C2CD5: variants seen among roughly 807,000 people sequenced by gnomAD.
The protein encoded by C2CD5 is C2 calcium dependent domain containing 5.
C2CD5 carries 109 observed loss-of-function variants against 130.3 expected under a neutral mutation model. That is an observed-to-expected ratio of 0.84 (90% CI 0.72 to 0.98). C2CD5 has a LOEUF of 0.98. C2CD5 is among the 50% of genes least tolerant of loss of function. C2CD5 has a pLI of 0.00. For synonymous variants in C2CD5, 454 were observed against 429.2 expected (o/e 1.06, Z -0.71); for missense variants, 996 against 1,261.8 (o/e 0.79, Z 3.19).
intron 13 of C2CD5, among the ~76,000 whole-genome samples, chr12:22,483,464 A>G (rs1034042283): frequency 1.3e-5 from 2 of 152,178 alleles, no homozygotes; most frequent in African/African-American, 4.8e-5. Context: ...GCCAGAAGAC[A>G]GTGGTGAAAG....
rs1238014558 is a variant in C2CD5, at chr12:22,504,429, G to A, written c.1147+2282C>T. Among the ~76,000 whole-genome samples, 5 of 151,642 alleles carry A rather than the reference G, an allele frequency of 3.3e-5. No homozygotes were observed. In the East Asian group the frequency reaches 5.8e-4, roughly 18 times the overall value. ...CAATTCTCCTGTCTCAGCCTCCCGA[G>A]TAGCTGGGACTACAGGCGCCTGCCA... is the stretch of plus-strand genomic sequence containing the variant. On this transcript the variant is annotated intron_variant, in intron 10 of 26. Transcript: ENST00000446597.
At chr12:22,463,624 G>T (rs1482377377) in intron 22 of C2CD5, 1 of 152,086 alleles carries the variant, frequency 6.6e-6, no homozygotes, top group Admixed American at 6.5e-5. Flanking sequence ...AAATTACACG[G>T]TCTCAAGTGT....
intron 8 of C2CD5, among the ~76,000 whole-genome samples, chr12:22,514,610 G>A (rs1409911299): frequency 6.6e-6 from 1 of 152,056 alleles, no homozygotes; most frequent in Non-Finnish European, 1.5e-5. Context: ...ATTTACTAAT[G>A]TAATCATATG....
intron 9 of C2CD5, chr12:22,512,714 G>T: frequency 7.2e-7 from 1 of 1,398,102 alleles, no homozygotes; most frequent in Non-Finnish European, 9.5e-7. Context: ...AAAAAAAAGA[G>T]AGAGAGAGAA....
intron 3 of C2CD5, among the ~76,000 whole-genome samples, chr12:22,528,281 C>A (rs1289088143): frequency 6.6e-6 from 1 of 152,074 alleles, no homozygotes; most frequent in Non-Finnish European, 1.5e-5. Flanking sequence ...CACAATGACA[C>A]CACAATTTCT....
Position 22,527,051 on chromosome 12 carries a change from C to T in C2CD5, c.349+670G>A, listed in dbSNP as rs557521651. Among the ~76,000 whole-genome samples, 34 of 152,252 alleles carry T rather than the reference C, an allele frequency of 2.2e-4. 1 individual carries two copies. In the South Asian group the frequency reaches 6.8e-3, roughly 31 times the overall value. ...GCCTGCAATGGCATGTGCCTGCAATCGCAACTGCCCGGGAGGCCCTGCTTC... is the reference window on the plus strand; with the variant it reads ...GCCTGCAATGGCATGTGCCTGCAATTGCAACTGCCCGGGAGGCCCTGCTTC... On this transcript the variant is annotated intron_variant, in intron 4 of 26. Coordinates refer to ENST00000446597, the MANE Select transcript of C2CD5 (RefSeq NM_001286176.2).
intron 3 of C2CD5, among the ~76,000 whole-genome samples, chr12:22,534,103 G>A (rs111696636): frequency 2.2e-3 from 335 of 152,196 alleles, no homozygotes; most frequent in Admixed American, 3.4e-3. Flanking sequence ...CAGGAGAATC[G>A]CTTGAACCCA....
chr12:22,525,802 C>G, intron 4 of C2CD5, 97 bp from the exon 5 acceptor site: 1 of 718,590 alleles, frequency 1.4e-6, no homozygotes, highest in Non-Finnish European at 2.4e-6. Context: ...TTTTAAAATA[C>G]AATGATTTAA....
chr12:22,450,013 A>G (rs1358017418), intron 26 of C2CD5, 122 bp from the exon 27 acceptor site: 1 of 705,148 alleles, frequency 1.4e-6, no homozygotes, highest in Non-Finnish European at 2.2e-6. Flanking sequence ...GGATAAAGAT[A>G]GGCAATCCAA....
intron 10 of C2CD5, among the ~76,000 whole-genome samples, chr12:22,505,703 G>C (rs1383537004): frequency 6.6e-6 from 1 of 152,082 alleles, no homozygotes; most frequent in African/African-American, 2.4e-5. Flanking sequence ...ATCACCAGAG[G>C]ATTTCTGATC....
rs754603484 is a variant in C2CD5 at position 22,513,344 on chromosome 12, G to GC, written c.987dup (p.Pro330AlafsTer3). 3 of 1,612,092 alleles carry GC rather than the reference G, an allele frequency of 1.9e-6. No individual in the cohort carries two copies. Among genetic ancestry groups the GC allele is most frequent in the South Asian group, 1.1e-5 (1 of 91,032 alleles). On this transcript the variant is annotated frameshift_variant, in exon 9 of 27. Transcript: ENST00000446597. LOFTEE classifies it high-confidence loss of function. ...TGTTGTCTTAAAAGAGCTTTAAAGG[G>GC]CCCCCCTTCTTTTCCAGCACTACCA...
intron 11 of C2CD5, among the ~76,000 whole-genome samples, chr12:22,492,374 A>G (rs1479761651): frequency 6.6e-6 from 1 of 152,158 alleles, no homozygotes; most frequent in Non-Finnish European, 1.5e-5. Context: ...AACAAACTAG[A>G]TATAAAAGAG....
At chr12:22,475,454 G>C (rs1365822531) in intron 15 of C2CD5, among the ~76,000 whole-genome samples, 1 of 152,034 alleles carries the variant, frequency 6.6e-6, no homozygotes, top group Non-Finnish European at 1.5e-5. Flanking sequence ...ATCTTTTTAA[G>C]GTCAGTGTAT....
At chr12:22,488,975 A>C (rs1279230295) in intron 12 of C2CD5, among the ~76,000 whole-genome samples, 1 of 151,530 alleles carries the variant, frequency 6.6e-6, no homozygotes, top group Non-Finnish European at 1.5e-5. Context: ...AGGCTCAAGC[A>C]ATCAATTCTT....
chr12:22,472,681 A>C (rs929464955), intron 17 of C2CD5, 63 bp downstream of exon 17: 3 of 930,498 alleles, frequency 3.2e-6, no homozygotes, highest in Non-Finnish European at 3.6e-6. Context: ...TACTGTAACA[A>C]TTATGAGCTA....
chr12:22,515,036 G>A (rs1949574350), intron 8 of C2CD5: 1 of 985,126 alleles, frequency 1.0e-6, no homozygotes. Flanking sequence ...AGAATGATGA[G>A]GGGTAAGGCT....
At chr12:22,482,463 G>T in intron 14 of C2CD5, 94 bp downstream of exon 14, 1 of 1,046,590 alleles carries the variant, frequency 9.6e-7, no homozygotes. Context: ...AAAGTCTTTA[G>T]ATAAGCCTTT....
chr12:22,541,588 G>A (rs1270201782), intron 2 of C2CD5, among the ~76,000 whole-genome samples: 1 of 152,034 alleles, frequency 6.6e-6, no homozygotes, highest in Non-Finnish European at 1.5e-5. Context: ...CTCTACATGA[G>A]ATCTCCGGGT....
chr12:22,522,238 C>A (rs1950336366), intron 7 of C2CD5, among the ~76,000 whole-genome samples: 1 of 152,096 alleles, frequency 6.6e-6, no homozygotes, highest in Admixed American at 6.5e-5. Flanking sequence ...TGGTCTTCAA[C>A]CGAAGTACTA....
Sources: gnomAD v4.1 joint callset for allele counts (sites outside exome capture counted in the v4.1 genomes callset) on GRCh38, gnomAD v4.1.1 for gene constraint, MANE v1.5 for transcripts, NCBI Gene and HGNC (gene_info 2026-07-23, HGNC 2026-07-21) for gene names.